PDE1C: variants seen among roughly 807,000 people sequenced by gnomAD.
PDE1C encodes dual specificity calcium/calmodulin-dependent 3',5'-cyclic nucleotide phosphodiesterase 1C.
A neutral mutation model predicts 93.1 loss-of-function variants in PDE1C; 62 were observed. The observed-to-expected ratio is 0.67, with a 90% CI of 0.54 to 0.82. PDE1C has a LOEUF of 0.82. Ranked by LOEUF, PDE1C falls within the 40% of genes least tolerant of loss-of-function variation. The pLI, the probability that PDE1C is intolerant of heterozygous loss-of-function variation, is 0.00. For synonymous variants in PDE1C, 325 were observed against 310.1 expected (o/e 1.05, Z -0.50); for missense variants, 742 against 884.6 (o/e 0.84, Z 2.04).
intron 15 of PDE1C, among the ~76,000 whole-genome samples, chr7:31,815,467 C>G (rs1375261557): frequency 2.0e-5 from 3 of 152,144 alleles, no homozygotes; most frequent in African/African-American, 7.2e-5. Context: ...TAAACTGAAA[C>G]AGCTGGTCCC....
At chr7:32,199,236 T>C (rs746941620) in intron 2 of PDE1C, among the ~76,000 whole-genome samples, 24 of 152,356 alleles carry the variant, frequency 1.6e-4, no homozygotes, top group South Asian at 1.0e-3. Context: ...TATACTGTTC[T>C]GCAGTTTCAT....
intron 3 of PDE1C, among the ~76,000 whole-genome samples, chr7:32,129,342 T>C (rs971554470): frequency 3.2e-5 from 4 of 123,610 alleles, no homozygotes; most frequent in Non-Finnish European, 4.9e-5. Context: ...CATACACAAA[T>C]AGTAAAAAGA....
At chr7:32,192,715 A>C (rs1331378156) in intron 2 of PDE1C, among the ~76,000 whole-genome samples, 1 of 152,156 alleles carries the variant, frequency 6.6e-6, no homozygotes, top group Non-Finnish European at 1.5e-5. Context: ...ATCTATATAA[A>C]AAATCTTGCT....
intron 1 of PDE1C, among the ~76,000 whole-genome samples, chr7:32,246,176 C>T (rs1009479250): frequency 6.6e-6 from 1 of 151,940 alleles, no homozygotes; most frequent in Non-Finnish European, 1.5e-5. Flanking sequence ...ACTATGTTTC[C>T]CAGGCTGGTC....
intron 16 of PDE1C, among the ~76,000 whole-genome samples, chr7:31,790,729 T>C (rs1053914206): frequency 6.6e-6 from 1 of 152,092 alleles, no homozygotes. Flanking sequence ...TAAAGCAAGA[T>C]GTATCCTAGC....
chr7:32,358,464 A>G (rs1459241363), intron 1 of PDE1C, among the ~76,000 whole-genome samples: 2 of 152,226 alleles, frequency 1.3e-5, no homozygotes, highest in African/African-American at 4.8e-5. Flanking sequence ...CAGCTCCTTC[A>G]CAGGTTGTGG....
intron 1 of PDE1C, among the ~76,000 whole-genome samples, chr7:32,399,023 G>A (rs1450866): frequency 0.041 from 6,260 of 152,192 alleles, 311 homozygotes; most frequent in African/African-American, 0.12. Context: ...TGGGGGAGGG[G>A]CCCTGATTTG....
chr7:32,342,343 T>C (rs1783774613), intron 1 of PDE1C, among the ~76,000 whole-genome samples: 1 of 152,226 alleles, frequency 6.6e-6, no homozygotes, highest in African/African-American at 2.4e-5. Context: ...TAACAGGAAA[T>C]ATTATTGTTG....
the PDE1C span, among the ~76,000 whole-genome samples, chr7:31,730,685 C>T: frequency 1.3e-5 from 2 of 152,124 alleles, no homozygotes; most frequent in African/African-American, 4.8e-5. Flanking sequence ...CGTTTCTGTC[C>T]TTGATGAGCC....
At chr7:32,395,483 G>A (rs1195495468) in intron 1 of PDE1C, among the ~76,000 whole-genome samples, 1 of 152,198 alleles carries the variant, frequency 6.6e-6, no homozygotes, top group Non-Finnish European at 1.5e-5. Flanking sequence ...AGGATAGAAG[G>A]TGGTGAGGTG....
At chr7:31,851,905 ATCTT>A (rs1290614053) in intron 7 of PDE1C, among the ~76,000 whole-genome samples, 2 of 152,200 alleles carry the variant, frequency 1.3e-5, no homozygotes, top group African/African-American at 4.8e-5. Flanking sequence ...CTTCATGCAC[ATCTT>A]TAAGTTCCCA....
chr7:32,230,386 C>T (rs773288757), intron 1 of PDE1C, among the ~76,000 whole-genome samples: 12 of 152,148 alleles, frequency 7.9e-5, no homozygotes, highest in Non-Finnish European at 4.4e-5. Flanking sequence ...CCCGTTCAGC[C>T]CCTACTCCTA....
intron 2 of PDE1C, among the ~76,000 whole-genome samples, chr7:32,014,883 C>T (rs188701816): frequency 4.5e-4 from 68 of 152,176 alleles, no homozygotes; most frequent in Middle Eastern, 3.4e-3. Flanking sequence ...AGGCTTTGTG[C>T]CCCCACCCAA....
At chr7:31,864,073 G>A (rs986509025) in intron 7 of PDE1C, among the ~76,000 whole-genome samples, 1 of 152,096 alleles carries the variant, frequency 6.6e-6, no homozygotes, top group Non-Finnish European at 1.5e-5. Context: ...AGATTTCGAA[G>A]TAAAAATTCA....
At chr7:32,119,541 C>T (rs1233096801) in intron 3 of PDE1C, among the ~76,000 whole-genome samples, 1 of 152,194 alleles carries the variant, frequency 6.6e-6, no homozygotes, top group African/African-American at 2.4e-5. Context: ...AGGCTCCCAT[C>T]AAAAAGAACC....
the PDE1C span, chr7:31,707,138 G>C: frequency 2.1e-6 from 3 of 1,454,760 alleles, no homozygotes; most frequent in Non-Finnish European, 2.9e-6. Context: ...TACTGTGTCT[G>C]TCTGCAACGT....
chr7:31,742,365 A>C, the PDE1C span, among the ~76,000 whole-genome samples: 1 of 152,138 alleles, frequency 6.6e-6, no homozygotes, highest in Admixed American at 6.5e-5. Flanking sequence ...AATAACTACA[A>C]GTTTCTTATG....
chr7:31,878,998 C>T lies in PDE1C; in HGVS notation c.423G>A (p.Glu141=). 1 of 1,613,470 alleles carries T rather than the reference C, an allele frequency of 6.2e-7. No homozygotes were observed. Among genetic ancestry groups the T allele is most frequent in the South Asian group, 1.1e-5 (1 of 91,048 alleles). Residue 141 remains glutamate (E), a splice_region_variant and synonymous_variant, in exon 4 of 18, where the codon GAG becomes GAA. Transcript: ENST00000396191. ...ATGACAATGAATGACATCTTTACCT[C>T]TCCACAAATATCCCAGCCTGCACTG... is the stretch of plus-strand genomic sequence containing the variant. ...VHAVQAGIFV[E]RMYRRTSNMV...
intron 16 of PDE1C, among the ~76,000 whole-genome samples, chr7:31,792,488 T>C (rs545475973): frequency 1.3e-5 from 2 of 152,036 alleles, no homozygotes; most frequent in Non-Finnish European, 2.9e-5. Flanking sequence ...TAAAAGAAAA[T>C]AATAAACACA....
Sources: allele counts gnomAD v4.1 joint callset (sites outside exome capture counted in the v4.1 genomes callset), GRCh38; gene constraint gnomAD v4.1.1; transcripts MANE v1.5; gene names NCBI Gene and HGNC (gene_info 2026-07-23, HGNC 2026-07-21).